MARCHF11: variants seen among roughly 807,000 people sequenced by gnomAD.
MARCHF11 encodes membrane associated ring-CH-type finger 11, also known as E3 ubiquitin-protein ligase MARCHF11.
Under a neutral mutation model 37.3 loss-of-function variants are expected in MARCHF11, and 29 were observed. That is an observed-to-expected ratio of 0.78 (90% CI 0.58 to 1.06). MARCHF11 has a LOEUF of 1.06. MARCHF11 is among the 50% of genes least tolerant of loss of function. The probability of loss-of-function intolerance (pLI) is 0.00; values close to 1 mark genes in which losing one functional copy is unlikely to be tolerated. For synonymous variants in MARCHF11, 233 were observed against 228.0 expected (o/e 1.02, Z -0.20); for missense variants, 482 against 533.4 (o/e 0.90, Z 0.95).
chr5:16,083,815 T>G (rs1736650610), intron 3 of MARCHF11, among the ~76,000 whole-genome samples: 1 of 152,232 alleles, frequency 6.6e-6, no homozygotes, highest in African/African-American at 2.4e-5. Context: ...TATGCTTTCC[T>G]TATTCTAGCT....
At chr5:16,118,409 CA>C (rs142498085) in intron 2 of MARCHF11, among the ~76,000 whole-genome samples, 3,835 of 152,070 alleles carry the variant, frequency 0.025, 168 homozygotes, top group African/African-American at 0.088. Context: ...CAATAAGAGG[CA>C]GGGGGGGAAT....
chr5:16,118,115 C>G (rs534230690), intron 2 of MARCHF11, among the ~76,000 whole-genome samples: 1 of 152,256 alleles, frequency 6.6e-6, no homozygotes, highest in African/African-American at 2.4e-5. Flanking sequence ...AGAAGAGTGC[C>G]AAGCACCTGT....
At chr5:16,103,634 C>A (rs542927178) in intron 2 of MARCHF11, among the ~76,000 whole-genome samples, 1 of 152,328 alleles carries the variant, frequency 6.6e-6, no homozygotes, top group South Asian at 2.1e-4. Context: ...CATTCCCCAT[C>A]AAGAAGCTGT....
chr5:16,121,551 G>A (rs1737309380), intron 2 of MARCHF11, among the ~76,000 whole-genome samples: 2 of 152,176 alleles, frequency 1.3e-5, no homozygotes, highest in South Asian at 2.1e-4. Flanking sequence ...TAGGAAGCAG[G>A]AGCCTACTCT....
intron 2 of MARCHF11, among the ~76,000 whole-genome samples, chr5:16,138,057 G>A (rs900429023): frequency 3.3e-5 from 5 of 152,162 alleles, no homozygotes; most frequent in South Asian, 2.1e-4. Context: ...CATTTCTGAG[G>A]AGCAATTCAA....
rs1165581786 is a variant in MARCHF11 at position 16,161,011 on chromosome 5, AC to A, written c.693+16714del. 2.6e-5 allele frequency among the ~76,000 whole-genome samples: 4 copies of A among 151,956 alleles called. No homozygotes were observed. In the East Asian group the frequency reaches 7.8e-4, roughly 30 times the overall value. On this transcript the variant is annotated intron_variant, in intron 2 of 3. Transcript: ENST00000332432. Reference sequence around the variant, plus strand: ...GCTTGCTCCTGTAAACCCTCAGAACACCCTGGTTTATTTGGAAAGGTTTTAA... The same window carrying A: ...GCTTGCTCCTGTAAACCCTCAGAACACCTGGTTTATTTGGAAAGGTTTTAA...
intron 2 of MARCHF11, among the ~76,000 whole-genome samples, chr5:16,161,828 A>G (rs1249763972): frequency 6.6e-6 from 1 of 152,024 alleles, no homozygotes; most frequent in African/African-American, 2.4e-5. Context: ...CTTGAAAATT[A>G]CAGCCTCAAA....
intron 2 of MARCHF11, among the ~76,000 whole-genome samples, chr5:16,177,465 A>G (rs1481701445): frequency 6.6e-6 from 1 of 152,238 alleles, no homozygotes; most frequent in Non-Finnish European, 1.5e-5. Flanking sequence ...GCCTTTTTAG[A>G]AAAAAGACTG....
At chr5:16,119,967 G>A (rs557522699) in intron 2 of MARCHF11, among the ~76,000 whole-genome samples, 1 of 152,304 alleles carries the variant, frequency 6.6e-6, no homozygotes, top group African/African-American at 2.4e-5. Flanking sequence ...ATGCCGCTAA[G>A]TGCTTACTTA....
At chr5:16,144,438 A>G (rs1181583939) in intron 2 of MARCHF11, among the ~76,000 whole-genome samples, 2 of 152,146 alleles carry the variant, frequency 1.3e-5, no homozygotes, top group South Asian at 2.1e-4. Flanking sequence ...TCTTTCTAAC[A>G]GCATCACTAT....
intron 2 of MARCHF11, among the ~76,000 whole-genome samples, chr5:16,146,986 G>T (rs763932678): frequency 6.6e-6 from 1 of 152,088 alleles, no homozygotes; most frequent in African/African-American, 2.4e-5. Context: ...AGAGAAACAT[G>T]CTCAACTAAC....
At chr5:16,158,760 T>C (rs1477201240) in intron 2 of MARCHF11, among the ~76,000 whole-genome samples, 3 of 151,972 alleles carry the variant, frequency 2.0e-5, no homozygotes, top group Non-Finnish European at 4.4e-5. Context: ...GTTTGTTACA[T>C]AGGTAAAAGT....
chr5:16,146,319 T>G (rs1326479919), intron 2 of MARCHF11, among the ~76,000 whole-genome samples: 1 of 152,178 alleles, frequency 6.6e-6, no homozygotes, highest in Non-Finnish European at 1.5e-5. Context: ...CTGTTACTCA[T>G]CAGTTAGCTC....
intron 3 of MARCHF11, among the ~76,000 whole-genome samples, chr5:16,087,391 C>T (rs893291385): frequency 7.2e-5 from 11 of 152,208 alleles, no homozygotes; most frequent in African/African-American, 2.7e-4. Context: ...TCCTTTATCA[C>T]TTAGGAAATG....
chr5:16,111,036 T>C (rs937004925), intron 2 of MARCHF11, among the ~76,000 whole-genome samples: 13 of 152,228 alleles, frequency 8.5e-5, no homozygotes, highest in Non-Finnish European at 1.9e-4. Context: ...ACATAAGACC[T>C]GCCTTTCACC....
Position 16,179,522 on chromosome 5 carries a change from C to T in MARCHF11, c.54G>A (p.Gly18=), listed in dbSNP as rs1193205216. The change falls in exon 1 of 4, where the codon GGG becomes GGA. Residue 18 remains glycine, a synonymous_variant. Transcript: ENST00000332432. ...GAGGTTGCGGGGGAGGCTCGGCGTC[C>T]CCGCTCTCCGCCCCGCGACACCGAC... ...GGSRCRGAES[G]DAEPPPQPPP... 3 of 1,178,824 alleles carry T rather than the reference C, an allele frequency of 2.5e-6. No individual in the cohort carries two copies. Among genetic ancestry groups the T allele is most frequent in the African/African-American group, 3.2e-5 (2 of 61,924 alleles). The allele number at this position is 1,178,824 out of a possible 1,614,324, so 73.0% of individuals were successfully genotyped here.
At chr5:16,127,826 T>C (rs1737440070) in intron 2 of MARCHF11, among the ~76,000 whole-genome samples, 1 of 152,174 alleles carries the variant, frequency 6.6e-6, no homozygotes, top group Non-Finnish European at 1.5e-5. Flanking sequence ...AATCACAGGA[T>C]CTGCCCGCCC....
At chr5:16,096,894 C>A (rs773762888) in intron 2 of MARCHF11, among the ~76,000 whole-genome samples, 14 of 152,218 alleles carry the variant, frequency 9.2e-5, no homozygotes, top group Non-Finnish European at 1.3e-4. Flanking sequence ...GAAAATAGCA[C>A]ATGCGCAGAG....
At chr5:16,099,440 T>G (rs1736921906) in intron 2 of MARCHF11, among the ~76,000 whole-genome samples, 1 of 152,210 alleles carries the variant, frequency 6.6e-6, no homozygotes, top group Non-Finnish European at 1.5e-5. Context: ...TGTAATTTCA[T>G]TAAAAACATT....
Sources: gnomAD v4.1 joint callset for allele counts (sites outside exome capture counted in the v4.1 genomes callset) on GRCh38, gnomAD v4.1.1 for gene constraint, MANE v1.5 for transcripts, NCBI Gene and HGNC (gene_info 2026-07-23, HGNC 2026-07-21) for gene names.